Variants in SPTBN2 observed in about 807,000 individuals in gnomAD.
SPTBN2 encodes spectrin beta, non-erythrocytic 2, also known as spectrin beta chain, non-erythrocytic 2.
SPTBN2 carries 107 observed loss-of-function variants against 284.2 expected under a neutral mutation model. That is an observed-to-expected ratio of 0.38 (90% confidence interval 0.32 to 0.44). The LOEUF (loss-of-function observed/expected upper bound fraction) is 0.44, where lower values mean the gene tolerates loss of function less well. SPTBN2 is among the 20% of genes least tolerant of loss of function. SPTBN2 has a pLI of 1.00. For synonymous variants in SPTBN2, 1,289 were observed against 1,354.8 expected (o/e 0.95, Z 1.07); for missense variants, 2,569 against 3,287.1 (o/e 0.78, Z 5.34).
intron 27 of SPTBN2, among the ~76,000 whole-genome samples, chr11:66,690,932 C>T (rs1940502724): frequency 6.6e-6 from 1 of 152,182 alleles, no homozygotes; most frequent in Non-Finnish European, 1.5e-5. Flanking sequence ...ATTCTCCTGC[C>T]TCAGCCTCCT....
At chr11:66,716,433 T>C (rs1334663544) in intron 3 of SPTBN2, among the ~76,000 whole-genome samples, 1 of 151,428 alleles carries the variant, frequency 6.6e-6, no homozygotes, top group African/African-American at 2.4e-5. Flanking sequence ...GGAGCCGAGA[T>C]TGTGCCACTG....
At chr11:66,732,691 C>T (rs192505236), upstream of SPTBN2, among the ~76,000 whole-genome samples, 82 of 148,824 alleles carry the variant, frequency 5.5e-4, no homozygotes, top group East Asian at 1.2e-3. Flanking sequence ...AGAGGCTGCG[C>T]GCGGTGGCTC....
chr11:66,726,084 G>C (rs892283790), intron 1 of SPTBN2, among the ~76,000 whole-genome samples: 1 of 152,118 alleles, frequency 6.6e-6, no homozygotes, highest in African/African-American at 2.4e-5. Flanking sequence ...TGTCTTACTC[G>C]TTTTGGTGTT....
At chr11:66,736,277 A>G (rs1942850890) in intron 1 of SPTBN2, among the ~76,000 whole-genome samples, 1 of 152,190 alleles carries the variant, frequency 6.6e-6, no homozygotes, top group Admixed American at 6.5e-5. Context: ...GCATGCTGCT[A>G]TTGATGAAAT....
chr11:66,694,189 G>A lies in SPTBN2; in HGVS notation c.4453C>T (p.Gln1485Ter). The change falls in exon 22 of 38, where the codon CAG becomes TAG. Residue 1485 changes from glutamine to a stop codon, truncating the protein, a stop_gained. Transcript: ENST00000533211. LOFTEE classifies it high-confidence loss of function. The part of the protein sequence containing the change: ...QPMRERCRRL[Q>*]ASREQHQFHR... The stretch of plus-strand genomic sequence containing the variant: ...AACTGGTGCTGCTCGCGAGAAGCCT[G>A]CAGGCGCCGGCAGCGTTCCCGCATG... 1.2e-6 allele frequency: 2 copies of A among 1,612,824 alleles called. No individual in the cohort carries two copies. Among genetic ancestry groups the A allele is most frequent in the Non-Finnish European group, 1.7e-6 (2 of 1,180,032 alleles).
chr11:66,703,972 CTTTTTTTTT>C (rs11286358), intron 15 of SPTBN2, among the ~76,000 whole-genome samples: 1 of 109,726 alleles, frequency 9.1e-6, no homozygotes, highest in Non-Finnish European at 1.9e-5. Context: ...TATTTCTTTT[CTTTTTTTTT>C]TTTTTTTTTT....
intron 6 of SPTBN2, 45 bp downstream of exon 6, chr11:66,714,271 G>T: frequency 6.2e-7 from 1 of 1,608,036 alleles, no homozygotes. Flanking sequence ...AGCACAGCCT[G>T]GGGGTCACTG....
intron 30 of SPTBN2, 41 bp downstream of exon 30, chr11:66,689,055 C>A: frequency 6.3e-7 from 1 of 1,574,974 alleles, no homozygotes; most frequent in East Asian, 2.3e-5. Flanking sequence ...GCAGGATGCC[C>A]CCCACTCCCC....
At chr11:66,737,192 T>C (rs1048020376) in intron 1 of SPTBN2, among the ~76,000 whole-genome samples, 1 of 152,184 alleles carries the variant, frequency 6.6e-6, no homozygotes, top group Non-Finnish European at 1.5e-5. Context: ...TATGAAAATC[T>C]AGATTTGCAT....
chr11:66,701,347 C>T, intron 16 of SPTBN2, 65 bp from the exon 17 acceptor site: 1 of 1,587,078 alleles, frequency 6.3e-7, no homozygotes, highest in Non-Finnish European at 8.5e-7. Flanking sequence ...TTCTTCCCTG[C>T]TTCTCTCTCT....
In SPTBN2 at chr11:66,708,825, C is replaced by T. The variant is rs1941704852; in HGVS notation, c.1191+77G>A. On this transcript the variant is annotated intron_variant, in intron 11 of 37. Transcript: ENST00000533211. This position sits in a 1 kb window ranked among gnomAD's most constrained non-coding sequence, Gnocchi z 4.4. ...GAACTTGGTGAAGGTCGACATGGCC[C>T]CGGGTTTGGGGATGTGTGCAAGGCA... 8.9e-6 allele frequency: 11 copies of T among 1,229,134 alleles called. No individual in the cohort carries two copies. The highest frequency in any genetic ancestry group is 1.3e-5 in the Non-Finnish European group (11 of 838,892). The allele number at this position is 1,229,134 out of a possible 1,614,324, so 76.1% of individuals were successfully genotyped here. A position where few individuals can be genotyped will look rare whatever the true frequency, so the allele number is the denominator to read the frequency against.
chr11:66,704,461 G>T, intron 15 of SPTBN2, 137 bp downstream of exon 15: 2 of 1,084,062 alleles, frequency 1.8e-6, no homozygotes, highest in Admixed American at 2.8e-5. Context: ...AACATTTTTT[G>T]TTAAAACTAG....
intron 13 of SPTBN2, among the ~76,000 whole-genome samples, chr11:66,706,305 C>T (rs1361506284): frequency 1.3e-5 from 2 of 152,222 alleles, no homozygotes; most frequent in African/African-American, 2.4e-5. Context: ...AAATCTCTCC[C>T]CCTCTCAAAA....
chr11:66,715,650 G>A lies in SPTBN2; in HGVS notation c.309+180C>T, dbSNP rs988184764. 6.6e-6 allele frequency among the ~76,000 whole-genome samples: 1 copy of A among 152,214 alleles called. No homozygotes were observed. The highest frequency in any genetic ancestry group is 6.5e-5 in the Admixed American group (1 of 15,288). On this transcript the variant is annotated intron_variant, in intron 4 of 37. Transcript: ENST00000533211. This position sits in a 1 kb window ranked among gnomAD's most constrained non-coding sequence, Gnocchi z 5.3. ...ATGGGGCCACTGTTCCTGTCTCCATGAAGCAATGCTCCTATGTAATCTAAG... is the reference window on the plus strand; with the variant it reads ...ATGGGGCCACTGTTCCTGTCTCCATAAAGCAATGCTCCTATGTAATCTAAG...
chr11:66,713,971 G>T (rs905441569), intron 7 of SPTBN2, 120 bp downstream of exon 7: 2 of 1,102,954 alleles, frequency 1.8e-6, no homozygotes, highest in Non-Finnish European at 2.8e-6. Flanking sequence ...GTTCTGCTCC[G>T]AGTGCTATTC....
At position 66,707,749 on chromosome 11, in the gene SPTBN2, T is replaced by C. The variant is rs1452514246; in HGVS notation, c.1420A>G (p.Ile474Val). ...TGCACCCGGCCGCTGTAGGCCACGA[T>C]GTCCGTCTCAATGGCTTCGTGCTTC... ...VRKHEAIETD[I>V]VAYSGRVQAV... Residue 474 changes from isoleucine (I) to valine (V), a missense_variant, in exon 13 of 38, where the codon ATC becomes GTC. Ile to Val is a conservative substitution (Grantham distance 29). Transcript: ENST00000533211. This position sits in a 1 kb window ranked among gnomAD's most constrained non-coding sequence, Gnocchi z 4.9. 3.1e-6 allele frequency: 5 copies of C among 1,607,326 alleles called. No individual in the cohort carries two copies. The African/African-American group carries it at 4.0e-5, about 13-fold the overall frequency.
chr11:66,691,795 T>G lies in SPTBN2; in HGVS notation c.5191-137A>C. On this transcript the variant is annotated intron_variant, in intron 26 of 37. Transcript: ENST00000533211. The surrounding 1 kb of genome is among the most constrained non-coding windows in gnomAD (Gnocchi z 8.0). Reference sequence around the variant, plus strand: ...TGGGGGCCGGGACAGGTTTCTTCCCTGTGGTTAAGGAGTAGGTGCAGCTGC... The same window carrying G: ...TGGGGGCCGGGACAGGTTTCTTCCCGGTGGTTAAGGAGTAGGTGCAGCTGC... 1 of 1,319,158 alleles carries G rather than the reference T, an allele frequency of 7.6e-7. No homozygotes were observed. Among genetic ancestry groups the G allele is most frequent in the East Asian group, 2.4e-5 (1 of 41,142 alleles). The allele number at this position is 1,319,158 out of a possible 1,614,324, so 81.7% of individuals were successfully genotyped here.
At position 66,683,778 on chromosome 11, in the gene SPTBN2, T is replaced by G. The variant is rs986994216; in HGVS notation, c.*2093A>C. Among the ~76,000 whole-genome samples, 3 of 152,278 alleles carry G rather than the reference T, an allele frequency of 2.0e-5. No homozygotes were observed. The highest frequency in any genetic ancestry group is 7.2e-5 in the African/African-American group (3 of 41,478). On this transcript the variant is annotated 3_prime_UTR_variant, in exon 38 of 38. Transcript: ENST00000533211. ...ATTTCCTTCTGACATTTCCAATTAT[T>G]GTTTCCCTTCAGTGCCCCCAGGCTT...
chr11:66,689,822 G>A lies in SPTBN2; in HGVS notation c.5932C>T (p.His1978Tyr), dbSNP rs1480657434. The change falls in exon 29 of 38, where the codon CAC becomes TAC. Residue 1978 changes from histidine to tyrosine, a missense_variant. Around this residue, in one of 6 missense-constraint regions of SPTBN2, gnomAD observed 1,130 missense variants for 1,317.3 expected, o/e 0.86. Coordinates refer to ENST00000533211, the MANE Select transcript of SPTBN2 (RefSeq NM_006946.4). ...DMGKELLARS[H>Y]YAAEEISEKL... Reference sequence around the variant, plus strand: ...TCACCCACCTCCTCGGCCGCATAGTGGCTCCTGGCCAGCAGCTCCTTCCCC... The same window carrying A: ...TCACCCACCTCCTCGGCCGCATAGTAGCTCCTGGCCAGCAGCTCCTTCCCC... 1 of 1,613,952 alleles carries A rather than the reference G, an allele frequency of 6.2e-7. No homozygotes were observed. Among genetic ancestry groups the A allele is most frequent in the African/African-American group, 1.3e-5 (1 of 75,038 alleles).
Sources: allele counts gnomAD v4.1 joint callset (sites outside exome capture counted in the v4.1 genomes callset), GRCh38; gene constraint gnomAD v4.1.1; regional missense constraint gnomAD v4.1.1; non-coding constraint Gnocchi (gnomAD v3.1); transcripts MANE v1.5; gene names NCBI Gene and HGNC (gene_info 2026-07-23, HGNC 2026-07-21).